SH3TC2: variants seen among roughly 807,000 people sequenced by gnomAD.
SH3TC2 encodes SH3 domain and tetratricopeptide repeat-containing protein 2.
In SH3TC2, 87 loss-of-function variants were observed where a neutral mutation model predicts 124.5. The observed-to-expected ratio is 0.70, with a 90% CI of 0.59 to 0.84. The LOEUF (loss-of-function observed/expected upper bound fraction) is 0.84, where lower values mean the gene tolerates loss of function less well. Ranked by LOEUF, SH3TC2 falls within the 40% of genes least tolerant of loss-of-function variation. SH3TC2 has a pLI of 0.00. For missense variants in SH3TC2, 1,536 were observed against 1,566.4 expected, an observed-to-expected ratio of 0.98 and a Z score of 0.33; for synonymous variants, 634 against 628.5, an observed-to-expected ratio of 1.01 and a Z score of -0.13.
rs1207453110 is a variant in SH3TC2, at chr5:148,994,528, C to A, written c.*10183G>T. Among the ~76,000 whole-genome samples, 2 of 151,966 alleles carry A rather than the reference C, an allele frequency of 1.3e-5. No individual in the cohort carries two copies. The highest frequency in any genetic ancestry group is 4.8e-5 in the African/African-American group (2 of 41,354). ...CTTGCTCACTGGATTGTGAGTTTAG[C>A]ACATGAGAGGTGTTGAATATTGGTT... On this transcript the variant is annotated 3_prime_UTR_variant, in exon 17 of 17. Coordinates refer to ENST00000515425, the MANE Select transcript of SH3TC2 (RefSeq NM_024577.4).
chr5:149,012,847 C>A, intron 12 of SH3TC2, 113 bp from the exon 13 acceptor site: 2 of 1,216,290 alleles, frequency 1.6e-6, no homozygotes, highest in Non-Finnish European at 2.4e-6. Context: ...CCACATCACA[C>A]AGGGAGGTGG....
At chr5:149,007,113 C>T (rs1358954806) in intron 15 of SH3TC2, 36 bp from the exon 16 acceptor site, 1 of 1,595,072 alleles carries the variant, frequency 6.3e-7, no homozygotes, top group South Asian at 1.1e-5. Context: ...TATCCTGCAA[C>T]CAACACTTTG....
intron 8 of SH3TC2, chr5:149,035,291 G>A (rs1475840008): frequency 6.6e-6 from 1 of 152,072 alleles, no homozygotes; most frequent in Non-Finnish European, 1.5e-5. Context: ...TTCTGGTTTT[G>A]AGTACATTAA....
rs1160691326 is a variant in SH3TC2 at position 149,000,761 on chromosome 5, C to T, written c.*3950G>A. 6.6e-6 allele frequency among the ~76,000 whole-genome samples: 1 copy of T among 152,208 alleles called. No homozygotes were observed. Among genetic ancestry groups the T allele is most frequent in the African/African-American group, 2.4e-5 (1 of 41,452 alleles). ...AGACCCCCGCCTCAAGTACCACTGTCTTTGCCACTAACTACCAATGTGTCT... is the reference window on the plus strand; with the variant it reads ...AGACCCCCGCCTCAAGTACCACTGTTTTTGCCACTAACTACCAATGTGTCT... On this transcript the variant is annotated 3_prime_UTR_variant, in exon 17 of 17. Transcript: ENST00000515425.
chr5:149,060,635 A>G (rs1306357930), intron 1 of SH3TC2, among the ~76,000 whole-genome samples: 1 of 152,236 alleles, frequency 6.6e-6, no homozygotes, highest in African/African-American at 2.4e-5. Flanking sequence ...GACACAAGGC[A>G]GAAGCACCCC....
At chr5:149,041,768 C>G in intron 5 of SH3TC2, 151 bp from the exon 6 acceptor site, 4 of 838,402 alleles carry the variant, frequency 4.8e-6, no homozygotes, top group African/African-American at 1.7e-5. Context: ...TAAAAGAGGC[C>G]TTATGATCCC....
chr5:149,044,286 A>T lies in SH3TC2; in HGVS notation c.385+247T>A, dbSNP rs189474467. ...ATAACTGTTTTCCAATTGATTGGTT[A>T]TCTAATAAAAAAAGATCTCCCTGGA... On this transcript the variant is annotated intron_variant, in intron 4 of 16. Coordinates refer to ENST00000515425, the MANE Select transcript of SH3TC2 (RefSeq NM_024577.4). The T allele has an allele frequency of 1.5e-4, 68 of 445,790 alleles. No individual in the cohort carries two copies. The East Asian group carries it at 2.9e-3, about 19-fold the overall frequency. 27.6% of individuals were successfully genotyped at this position (445,790 alleles called of 1,614,324 possible).
rs559570623 is a variant in SH3TC2 at position 149,052,207 on chromosome 5, G to A, written c.86C>T (p.Ser29Leu). 2.6e-5 allele frequency: 42 copies of A among 1,613,174 alleles called. No individual in the cohort carries two copies. Among genetic ancestry groups the A allele is most frequent in the African/African-American group, 8.0e-5 (6 of 75,012 alleles). ...TTCAGATGAGGCTATACACTCACTC[G>A]ATACAGTTGGATCCTTGGAAGGAGT... ...KETPSKDPTV[S>L]SECIASSEYK... The change falls in exon 2 of 17, where the codon TCG becomes TTG. Residue 29 changes from serine to leucine, a missense_variant. This residue lies in a region of SH3TC2 where 1,102 missense variants were observed against 1,098.6 expected (regional missense o/e 1.00). Coordinates refer to ENST00000515425, the MANE Select transcript of SH3TC2 (RefSeq NM_024577.4).
rs1486552196 is a variant in SH3TC2, at chr5:148,985,954, C to T, written c.*18757G>A. Reference sequence around the variant, plus strand: ...AGCAAAGTAACCTATAGATACCACTCGATCATTTTTCTGACATGAGACTTA... The same window carrying T: ...AGCAAAGTAACCTATAGATACCACTTGATCATTTTTCTGACATGAGACTTA... On this transcript the variant is annotated 3_prime_UTR_variant, in exon 17 of 17. Coordinates refer to ENST00000515425, the MANE Select transcript of SH3TC2 (RefSeq NM_024577.4). Among the ~76,000 whole-genome samples, 1 of 152,102 alleles carries T rather than the reference C, an allele frequency of 6.6e-6. No individual in the cohort carries two copies. The highest frequency in any genetic ancestry group is 6.5e-5 in the Admixed American group (1 of 15,278).
intron 1 of SH3TC2, among the ~76,000 whole-genome samples, chr5:149,056,813 C>T (rs1005469507): frequency 8.5e-5 from 13 of 152,140 alleles, no homozygotes; most frequent in African/African-American, 3.1e-4. Context: ...TATATTTCAA[C>T]ATGAAGAAGT....
At chr5:149,048,425 T>A (rs1036487212) in intron 2 of SH3TC2, among the ~76,000 whole-genome samples, 2 of 152,146 alleles carry the variant, frequency 1.3e-5, no homozygotes, top group African/African-American at 4.8e-5. Flanking sequence ...GACATATACT[T>A]TGTGCATTAC....
chr5:148,993,399 T>C lies in SH3TC2; in HGVS notation c.*11312A>G, dbSNP rs1203181575. Among the ~76,000 whole-genome samples the C allele has an allele frequency of 6.6e-6, 1 of 152,210 alleles. No individual in the cohort carries two copies. Among genetic ancestry groups the C allele is most frequent in the Non-Finnish European group, 1.5e-5 (1 of 68,042 alleles). On this transcript the variant is annotated 3_prime_UTR_variant, in exon 17 of 17. Coordinates refer to ENST00000515425, the MANE Select transcript of SH3TC2 (RefSeq NM_024577.4). ...AAAAGAATTCATCTCCATAAAATGA[T>C]TTTGATAAAATAGAAGATGGAAAAA...
intron 1 of SH3TC2, among the ~76,000 whole-genome samples, chr5:149,053,071 T>TA (rs1754585496): frequency 6.6e-6 from 1 of 152,204 alleles, no homozygotes; most frequent in Non-Finnish European, 1.5e-5. Flanking sequence ...CAGAATGTGA[T>TA]AAGTATTACC....
intron 15 of SH3TC2, chr5:149,007,741 G>C (rs756377361): frequency 6.5e-6 from 1 of 154,716 alleles, no homozygotes; most frequent in South Asian, 2.0e-4. Context: ...CTTTTACAGG[G>C]AACAAAGGCT....
Position 148,989,726 on chromosome 5 carries a change from T to C in SH3TC2, c.*14985A>G, listed in dbSNP as rs886060116. On this transcript the variant is annotated 3_prime_UTR_variant, in exon 17 of 17. Transcript: ENST00000515425. The stretch of plus-strand genomic sequence containing the variant: ...GAACATGAATACTGGAACCACTCAT[T>C]CAAGGGGATCTGGAGAGTGACCCAG... Among the ~76,000 whole-genome samples, 13 of 152,144 alleles carry C rather than the reference T, an allele frequency of 8.5e-5. No individual in the cohort carries two copies. The highest frequency in any genetic ancestry group is 1.9e-4 in the Non-Finnish European group (13 of 68,040).
rs1326032447 is a variant in SH3TC2 at position 149,028,349 on chromosome 5, C to A, written c.1383G>T (p.Glu461Asp). Reference sequence around the variant, plus strand: ...TGGGGGCGAAGTTCTCAGCCTCCTCCTCCTGACCAGTGCTTAGGTCCATGA... The same window carrying A: ...TGGGGGCGAAGTTCTCAGCCTCCTCATCCTGACCAGTGCTTAGGTCCATGA... The part of the protein sequence containing the change: ...ELLMDLSTGQ[E>D]EEAENFAPIL... The change falls in exon 11 of 17, where the codon GAG becomes GAT. Residue 461 changes from glutamate to aspartate, a missense_variant. Transcript: ENST00000515425. 4 of 1,614,164 alleles carry A rather than the reference C, an allele frequency of 2.5e-6. No homozygotes were observed. Among genetic ancestry groups the A allele is most frequent in the Admixed American group, 1.7e-5 (1 of 60,028 alleles).
intron 12 of SH3TC2, among the ~76,000 whole-genome samples, chr5:149,015,708 T>C (rs1263213476): frequency 6.6e-6 from 1 of 152,194 alleles, no homozygotes; most frequent in African/African-American, 2.4e-5. Flanking sequence ...ATTTCCAGAC[T>C]TCCTCTTACC....
chr5:149,016,109 T>C (rs1299518020), intron 12 of SH3TC2, among the ~76,000 whole-genome samples: 1 of 152,126 alleles, frequency 6.6e-6, no homozygotes. Context: ...GCACTTAGTA[T>C]GTACTAGGTG....
chr5:149,043,691 G>A (rs574947521), intron 4 of SH3TC2: 4 of 150,860 alleles, frequency 2.7e-5, no homozygotes, highest in Admixed American at 6.6e-5. Context: ...CCAACGAGCC[G>A]GTCTATGGAG....
Sources: allele counts gnomAD v4.1 joint callset (sites outside exome capture counted in the v4.1 genomes callset), GRCh38; gene constraint gnomAD v4.1.1; regional missense constraint gnomAD v4.1.1; transcripts MANE v1.5; gene names NCBI Gene and HGNC (gene_info 2026-07-23, HGNC 2026-07-21).